The following CA4 variants were observed in gnomAD, a reference collection of about 807,000 sequenced individuals.
The protein encoded by CA4 is CA-IV.
In CA4, 24 loss-of-function variants were observed where a neutral mutation model predicts 34.5. The observed-to-expected ratio is 0.70, with a 90% CI of 0.50 to 0.98. The LOEUF is 0.98. CA4 is among the 50% of genes least tolerant of loss of function. The probability of loss-of-function intolerance (pLI) is 0.00; values close to 1 mark genes in which losing one functional copy is unlikely to be tolerated. For missense variants in CA4, 394 were observed against 396.7 expected, an observed-to-expected ratio of 0.99 and a Z score of 0.06; for synonymous variants, 178 against 170.6, an observed-to-expected ratio of 1.04 and a Z score of -0.34.
downstream of CA4, among the ~76,000 whole-genome samples, chr17:60,173,670 G>C (rs2083932782): frequency 3.9e-5 from 6 of 152,190 alleles, no homozygotes; most frequent in South Asian, 1.0e-3. Context: ...TTCATTCCCT[G>C]GAGCAGTGGT....
chr17:60,150,645 T>G lies in CA4; in HGVS notation c.58+553T>G, dbSNP rs528868798. Among the ~76,000 whole-genome samples, 609 of 105,276 alleles carry G rather than the reference T, an allele frequency of 5.8e-3. 7 individuals carry two copies. Among genetic ancestry groups the G allele is most frequent in the African/African-American group, 0.019 (534 of 27,594 alleles). The allele number at this position is 105,276 out of a possible 152,430, so 69.1% of individuals were successfully genotyped here. ...ATCACGCCACTGCACTCCAGCCTGG[T>G]GCTCCGTTTAAAAAAAAAAAAAAAA... is the stretch of plus-strand genomic sequence containing the variant. On this transcript the variant is annotated intron_variant, in intron 1 of 7. Coordinates refer to ENST00000300900, the MANE Select transcript of CA4 (RefSeq NM_000717.5).
chr17:60,157,579 G>A lies in CA4; in HGVS notation c.414+7G>A. The A allele has an allele frequency of 6.2e-7, 1 of 1,614,184 alleles. No individual in the cohort carries two copies. The highest frequency in any genetic ancestry group is 8.5e-7 in the Non-Finnish European group (1 of 1,180,014). On this transcript the variant is annotated splice_region_variant and intron_variant, in intron 4 of 7. Transcript: ENST00000300900. ...GGAGCACTTTGCCATGGAGGTGAGG[G>A]CCCCTTCCCGACTGGGACCTTGTCT...
At chr17:60,151,198 C>A (rs1315662355) in intron 1 of CA4, among the ~76,000 whole-genome samples, 1 of 152,150 alleles carries the variant, frequency 6.6e-6, no homozygotes, top group Non-Finnish European at 1.5e-5. Context: ...AGCCCAACCA[C>A]CCCTCGGATG....
At position 60,158,368 on chromosome 17, in the gene CA4, C is replaced by T. The variant is rs1431507712; in HGVS notation, c.666C>T (p.Gly222=). Residue 222 remains glycine (G), a synonymous_variant, in exon 7 of 8, where the codon GGC becomes GGT. Coordinates refer to ENST00000300900, the MANE Select transcript of CA4 (RefSeq NM_000717.5). ...EKLRHYFRYL[G]SLTTPTCDEK... ...TGAGGCACTACTTCCGCTACCTGGG[C>T]TCACTCACCACACCGACCTGCGATG... is the stretch of plus-strand genomic sequence containing the variant. The T allele has an allele frequency of 6.2e-7, 1 of 1,614,156 alleles. No homozygotes were observed.
At chr17:60,169,447 TC>T (rs2083893115) in intron 5 of CA4, among the ~76,000 whole-genome samples, 1 of 151,928 alleles carries the variant, frequency 6.6e-6, no homozygotes, top group African/African-American at 2.4e-5. Flanking sequence ...TGCTGCCCCC[TC>T]CCAAGGGGGT....
At chr17:60,167,714 G>T (rs1478934485) in intron 5 of CA4, among the ~76,000 whole-genome samples, 12 of 152,178 alleles carry the variant, frequency 7.9e-5, no homozygotes. Context: ...TTGAACAGCG[G>T]TTTCCACATG....
chr17:60,165,722 A>C (rs2083848969), intron 5 of CA4, among the ~76,000 whole-genome samples: 1 of 152,082 alleles, frequency 6.6e-6, no homozygotes, highest in African/African-American at 2.4e-5. Context: ...GCACAGGATG[A>C]GTGCCTGCCC....
intron 1 of CA4, among the ~76,000 whole-genome samples, chr17:60,151,930 A>G (rs1462605992): frequency 6.6e-6 from 1 of 151,328 alleles, no homozygotes; most frequent in Non-Finnish European, 1.5e-5. Context: ...AGCGACTGAG[A>G]CTTTGCCCAG....
intron 5 of CA4, among the ~76,000 whole-genome samples, chr17:60,168,360 G>T (rs186568251): frequency 3.3e-4 from 15 of 45,638 alleles, no homozygotes; most frequent in African/African-American, 1.4e-3. Context: ...TCTTTTTTTG[G>T]GGGGGGCAGG....
At chr17:60,171,033 G>A (rs1271752308), downstream of CA4, 1 of 152,208 alleles carries the variant, frequency 6.6e-6, no homozygotes, top group African/African-American at 2.4e-5. Context: ...CTAGAAAAAA[G>A]GGTGATCATG....
downstream of CA4, among the ~76,000 whole-genome samples, chr17:60,163,294 A>C (rs2083814663): frequency 1.3e-5 from 2 of 152,068 alleles, no homozygotes. Flanking sequence ...CGGTGCCCCC[A>C]GCGTGGTGCA....
chr17:60,169,895 C>T (rs1338616783), intron 5 of CA4, among the ~76,000 whole-genome samples: 1 of 152,206 alleles, frequency 6.6e-6, no homozygotes, highest in African/African-American at 2.4e-5. Flanking sequence ...CTTTCTCTTT[C>T]TTTTTTTCTG....
At position 60,150,654 on chromosome 17, in the gene CA4, TAAAAAAAAAAAAAAAAAAAA is replaced by T. The variant is rs66850461; in HGVS notation, c.58+579_58+598del. Among the ~76,000 whole-genome samples the T allele has an allele frequency of 1.5e-4, 5 of 33,910 alleles. 1 individual carries two copies. The East Asian group carries it at 4.8e-3, about 33-fold the overall frequency. The allele number at this position is 33,910 out of a possible 152,430, so 22.2% of individuals were successfully genotyped here. On this transcript the variant is annotated intron_variant, in intron 1 of 7. Coordinates refer to ENST00000300900, the MANE Select transcript of CA4 (RefSeq NM_000717.5). ...CTGCACTCCAGCCTGGTGCTCCGTT[TAAAAAAAAAAAAAAAAAAAA>T]AAAAAAAAAAAAAAAAGGATGCTTC...
rs1045086659 is a variant in CA4, at chr17:60,156,552, C to T, written c.113-8C>T. 2.8e-5 allele frequency: 45 copies of T among 1,614,072 alleles called. No homozygotes were observed. The highest frequency in any genetic ancestry group is 3.6e-5 in the Non-Finnish European group (43 of 1,179,998). Reference sequence around the variant, plus strand: ...CCGACTCTCAGCCCACCTTCTCTCCCTGCTCAGTGCCAGTCAAGTGGGGTG... The same window carrying T: ...CCGACTCTCAGCCCACCTTCTCTCCTTGCTCAGTGCCAGTCAAGTGGGGTG... On this transcript the variant is annotated splice_polypyrimidine_tract_variant and splice_region_variant and intron_variant, in intron 2 of 7. Coordinates refer to ENST00000300900, the MANE Select transcript of CA4 (RefSeq NM_000717.5).
chr17:60,149,998 G>T lies in CA4; in HGVS notation c.-37G>T. On this transcript the variant is annotated 5_prime_UTR_variant, in exon 1 of 8. Coordinates refer to ENST00000300900, the MANE Select transcript of CA4 (RefSeq NM_000717.5). ...ACCCGCGGCGGCCTCCTCGGTGCGCGACCCCCGGCTCAGAGGACTCTTTGC... is the reference window on the plus strand; with the variant it reads ...ACCCGCGGCGGCCTCCTCGGTGCGCTACCCCCGGCTCAGAGGACTCTTTGC... 6.3e-7 allele frequency: 1 copy of T among 1,578,536 alleles called. No individual in the cohort carries two copies. The highest frequency in any genetic ancestry group is 8.6e-7 in the Non-Finnish European group (1 of 1,160,504).
chr17:60,159,690 T>C, downstream of CA4: 1 of 584,574 alleles, frequency 1.7e-6, no homozygotes, highest in Non-Finnish European at 3.1e-6. Context: ...CCCACTCCCG[T>C]TCTATGTGAA....
At chr17:60,153,439 C>A (rs909490345) in intron 1 of CA4, among the ~76,000 whole-genome samples, 1 of 152,230 alleles carries the variant, frequency 6.6e-6, no homozygotes, top group African/African-American at 2.4e-5. Flanking sequence ...ATATATACAA[C>A]GCATTGAATG....
At chr17:60,162,546 T>TACACAC (rs770876140), downstream of CA4, among the ~76,000 whole-genome samples, 1,038 of 132,208 alleles carry the variant, frequency 7.9e-3, 11 homozygotes, top group African/African-American at 0.018. Flanking sequence ...CTGCATGGGG[T>TACACAC]ACACACACAC....
In CA4 at chr17:60,156,674, A is replaced by T; in HGVS notation, c.227A>T (p.Asp76Val). 1.9e-6 allele frequency: 3 copies of T among 1,614,172 alleles called. No individual in the cohort carries two copies. The South Asian group carries it at 3.3e-5, about 18-fold the overall frequency. Reference sequence around the variant, plus strand: ...GGACGCTTCTTCTTCTCTGGCTACGATAAGAAGCAAACGTGGACTGTCCAA... The same window carrying T: ...GGACGCTTCTTCTTCTCTGGCTACGTTAAGAAGCAAACGTGGACTGTCCAA... ...KLGRFFFSGY[D>V]KKQTWTVQNN... The change falls in exon 3 of 8, where the codon GAT (aspartate) becomes GTT (valine). Residue 76 changes from aspartate (D) to valine (V), a missense_variant. Transcript: ENST00000300900.
Sources: allele counts gnomAD v4.1 joint callset (sites outside exome capture counted in the v4.1 genomes callset), GRCh38; gene constraint gnomAD v4.1.1; transcripts MANE v1.5; gene names NCBI Gene and HGNC (gene_info 2026-07-23, HGNC 2026-07-21).